ENOX1: variants seen among roughly 807,000 people sequenced by gnomAD.
ENOX1 encodes ecto-NOX disulfide-thiol exchanger 1, also known as candidate growth-related and time keeping constitutive hydroquinone (NADH) oxidase.
In ENOX1, 42 loss-of-function variants were observed where a neutral mutation model predicts 82.5. That is an observed-to-expected ratio of 0.51 (90% CI 0.40 to 0.66). The LOEUF (loss-of-function observed/expected upper bound fraction) is 0.66, where lower values mean the gene tolerates loss of function less well. ENOX1 is among the 30% of genes least tolerant of loss of function. The probability of loss-of-function intolerance (pLI) is 0.00; values close to 1 mark genes in which losing one functional copy is unlikely to be tolerated. For missense variants in ENOX1, 608 were observed against 811.6 expected, an observed-to-expected ratio of 0.75 and a Z score of 3.05; for synonymous variants, 271 against 282.2, an observed-to-expected ratio of 0.96 and a Z score of 0.40.
intron 1 of ENOX1, among the ~76,000 whole-genome samples, chr13:43,759,099 T>TTC: frequency 7.8e-6 from 1 of 127,424 alleles, no homozygotes; most frequent in African/African-American, 3.7e-5. Flanking sequence ...ATAAGTTTCT[T>TTC]TTTTTTTTTT....
intron 2 of ENOX1, among the ~76,000 whole-genome samples, chr13:43,565,622 T>C (rs113259453): frequency 2.1e-4 from 32 of 152,286 alleles, no homozygotes; most frequent in African/African-American, 6.5e-4. Flanking sequence ...TCAATCCATT[T>C]GGGAGAATTT....
At chr13:43,565,032 G>A (rs2079857157) in intron 2 of ENOX1, among the ~76,000 whole-genome samples, 1 of 152,140 alleles carries the variant, frequency 6.6e-6, no homozygotes, top group South Asian at 2.1e-4. Flanking sequence ...GTGGGGAAGG[G>A]GAGAAGCAAT....
chr13:43,456,075 A>G (rs952778668), intron 3 of ENOX1, among the ~76,000 whole-genome samples: 4 of 152,148 alleles, frequency 2.6e-5, no homozygotes, highest in South Asian at 4.2e-4. Context: ...TTAATTTCCA[A>G]TACCTCCTTC....
chr13:43,479,005 T>TCCTC (rs2058405566), intron 3 of ENOX1, among the ~76,000 whole-genome samples: 1 of 101,490 alleles, frequency 9.9e-6, no homozygotes, highest in East Asian at 2.2e-4. Flanking sequence ...TGTTTCTATG[T>TCCTC]CCTCTCCTTT....
Position 43,265,925 on chromosome 13 carries a change from G to A in ENOX1, c.1555-471C>T, listed in dbSNP as rs140325030. On this transcript the variant is annotated intron_variant, in intron 13 of 16. Coordinates refer to ENST00000690772, the MANE Select transcript of ENOX1 (RefSeq NM_001347969.2). ...ACAGGTCCTCCTTGAGAATATATTT[G>A]AATGACTGACATCTCTGGAGGACTA... Among the ~76,000 whole-genome samples the A allele has an allele frequency of 2.0e-3, 301 of 152,316 alleles. 2 individuals carry two copies. The highest frequency in any genetic ancestry group is 6.9e-3 in the African/African-American group (286 of 41,574).
At chr13:43,261,747 C>G (rs914232717) in intron 14 of ENOX1, among the ~76,000 whole-genome samples, 2 of 145,982 alleles carry the variant, frequency 1.4e-5, no homozygotes, top group African/African-American at 5.1e-5. Context: ...GAACAAAAAA[C>G]CAAACACTGC....
chr13:43,260,807 T>C (rs2044012069), intron 14 of ENOX1, among the ~76,000 whole-genome samples: 1 of 152,206 alleles, frequency 6.6e-6, no homozygotes, highest in Admixed American at 6.5e-5. Flanking sequence ...ATAGGTTTGC[T>C]TTCCAGGAAA....
At chr13:43,237,310 C>T (rs1037746831) in intron 14 of ENOX1, among the ~76,000 whole-genome samples, 1 of 152,144 alleles carries the variant, frequency 6.6e-6, no homozygotes, top group Non-Finnish European at 1.5e-5. Context: ...AAGCCAATAA[C>T]ACGTGAAACA....
intron 3 of ENOX1, among the ~76,000 whole-genome samples, chr13:43,431,202 A>G (rs1056865534): frequency 1.3e-5 from 2 of 152,182 alleles, no homozygotes; most frequent in Admixed American, 6.5e-5. Context: ...GTGGTTTCCA[A>G]AGTCCTTCAG....
At chr13:43,218,416 C>T (rs564314593) in intron 16 of ENOX1, among the ~76,000 whole-genome samples, 1 of 152,242 alleles carries the variant, frequency 6.6e-6, no homozygotes, top group East Asian at 1.9e-4. Context: ...CACTTGAGCC[C>T]AGGAGTTTGA....
chr13:43,514,361 C>A (rs2077481676), intron 2 of ENOX1, among the ~76,000 whole-genome samples: 1 of 152,140 alleles, frequency 6.6e-6, no homozygotes, highest in African/African-American at 2.4e-5. Context: ...TTGTATCTAG[C>A]ACCAAATGTA....
chr13:43,542,495 C>A (rs923754237), intron 2 of ENOX1, among the ~76,000 whole-genome samples: 1 of 142,446 alleles, frequency 7.0e-6, no homozygotes, highest in South Asian at 2.3e-4. Flanking sequence ...GAGTGCAGTG[C>A]CACGATCTTG....
intron 2 of ENOX1, among the ~76,000 whole-genome samples, chr13:43,593,346 T>C (rs1344049798): frequency 1.3e-5 from 2 of 152,078 alleles, no homozygotes; most frequent in African/African-American, 4.8e-5. Flanking sequence ...GGTTTGGAAT[T>C]GAGGGTGAGT....
chr13:43,747,345 G>A (rs1485482900), intron 1 of ENOX1, among the ~76,000 whole-genome samples: 2 of 152,144 alleles, frequency 1.3e-5, no homozygotes, highest in East Asian at 3.9e-4. Context: ...GTATTCTAGT[G>A]AATTCTATCA....
chr13:43,570,045 C>A (rs951291568), intron 2 of ENOX1, among the ~76,000 whole-genome samples: 2 of 152,158 alleles, frequency 1.3e-5, no homozygotes, highest in African/African-American at 4.8e-5. Context: ...TCTTAGCACC[C>A]AGCATAGTTT....
intron 14 of ENOX1, among the ~76,000 whole-genome samples, chr13:43,242,946 G>A (rs560002767): frequency 1.8e-4 from 28 of 152,216 alleles, no homozygotes; most frequent in Middle Eastern, 3.4e-3. Context: ...GACCAGCCTG[G>A]CCAACATGGC....
At chr13:43,775,478 T>C (rs984401487) in intron 1 of ENOX1, among the ~76,000 whole-genome samples, 5 of 152,174 alleles carry the variant, frequency 3.3e-5, no homozygotes, top group Admixed American at 6.5e-5. Flanking sequence ...TTTCTTCTGC[T>C]AAAGCTTTGA....
chr13:43,640,879 C>G (rs1041707400), intron 2 of ENOX1, among the ~76,000 whole-genome samples: 2 of 137,688 alleles, frequency 1.5e-5, no homozygotes, highest in Admixed American at 7.8e-5. Context: ...TGCACACACA[C>G]ACGCGCACAC....
At chr13:43,739,374 C>T (rs2089788157) in intron 1 of ENOX1, among the ~76,000 whole-genome samples, 1 of 151,916 alleles carries the variant, frequency 6.6e-6, no homozygotes, top group Non-Finnish European at 1.5e-5. Context: ...ATGGCAAAAC[C>T]CCATCTCTAC....
Sources: allele counts gnomAD v4.1 joint callset (sites outside exome capture counted in the v4.1 genomes callset), GRCh38; gene constraint gnomAD v4.1.1; transcripts MANE v1.5; gene names NCBI Gene and HGNC (gene_info 2026-07-23, HGNC 2026-07-21).